Variants in ANK2 observed in about 807,000 individuals in gnomAD.
ANK2 encodes ankyrin 2.
A neutral mutation model predicts 360.5 loss-of-function variants in ANK2; 83 were observed. That is an observed-to-expected ratio of 0.23 (90% CI 0.19 to 0.28). The LOEUF is 0.28. Among genes scored for constraint, ANK2 ranks in the 10% least tolerant of loss-of-function variants. The probability of loss-of-function intolerance (pLI) is 1.00; values close to 1 mark genes in which losing one functional copy is unlikely to be tolerated. For missense variants in ANK2, 4,201 were observed against 4,795.7 expected, an observed-to-expected ratio of 0.88 and a Z score of 3.66; for synonymous variants, 1,740 against 1,759.5, an observed-to-expected ratio of 0.99 and a Z score of 0.28.
intron 1 of ANK2, among the ~76,000 whole-genome samples, chr4:113,137,547 A>G (rs1035623673): frequency 2.6e-5 from 4 of 152,192 alleles, no homozygotes; most frequent in Non-Finnish European, 5.9e-5. Flanking sequence ...TTTCTTAAAA[A>G]TATTACTTAA....
At chr4:113,195,174 C>A (rs1295000938) in intron 2 of ANK2, among the ~76,000 whole-genome samples, 4 of 152,036 alleles carry the variant, frequency 2.6e-5, no homozygotes, top group Admixed American at 6.6e-5. Flanking sequence ...TCAAGAATAT[C>A]AAGATTGTCT....
At chr4:113,074,953 A>C (rs1450400614) in intron 1 of ANK2, among the ~76,000 whole-genome samples, 1 of 152,216 alleles carries the variant, frequency 6.6e-6, no homozygotes, top group Non-Finnish European at 1.5e-5. Flanking sequence ...ATGGCAAAAT[A>C]GACATAGATT....
At chr4:112,748,817 G>A in the ANK2 span, among the ~76,000 whole-genome samples, 2 of 152,036 alleles carry the variant, frequency 1.3e-5, no homozygotes, top group Admixed American at 1.3e-4. Context: ...AAGAATTGCA[G>A]ATATTCAACT....
At chr4:112,758,661 C>T in the ANK2 span, among the ~76,000 whole-genome samples, 8 of 152,154 alleles carry the variant, frequency 5.3e-5, no homozygotes, top group African/African-American at 1.9e-4. Flanking sequence ...GTGATCTGCC[C>T]ACCTCAGCCT....
chr4:113,367,010 T>C (rs61541145), intron 41 of ANK2, among the ~76,000 whole-genome samples: 2,775 of 152,276 alleles, frequency 0.018, 83 homozygotes, highest in African/African-American at 0.062. Context: ...TCCCTGGATA[T>C]AATGAAATTC....
intron 1 of ANK2, among the ~76,000 whole-genome samples, chr4:113,107,285 C>T (rs555923961): frequency 5.3e-5 from 8 of 152,054 alleles, no homozygotes; most frequent in Non-Finnish European, 1.0e-4. Context: ...AGCGTGATAA[C>T]GGCTCACTGC....
Position 112,950,158 on chromosome 4 carries a change from C to T in ANK2, c.21+45644C>T, listed in dbSNP as rs547819004. The stretch of plus-strand genomic sequence containing the variant: ...ACTCCATGCTTCACTTCTTACCTGC[C>T]TCTCTCTATTTGAATATAAGCTTTT... On this transcript the variant is annotated intron_variant, in intron 2 of 30. Coordinates refer to the ANK2 transcript ENST00000503271. Among the ~76,000 whole-genome samples the T allele has an allele frequency of 1.5e-3, 223 of 152,136 alleles. 1 individual carries two copies. Among genetic ancestry groups the T allele is most frequent in the Non-Finnish European group, 2.8e-3 (191 of 68,000 alleles).
At chr4:113,164,265 A>G (rs1431813297) in intron 1 of ANK2, among the ~76,000 whole-genome samples, 6 of 152,212 alleles carry the variant, frequency 3.9e-5, no homozygotes, top group Admixed American at 3.9e-4. Context: ...ATATGTATAT[A>G]TATTAGACTG....
rs1474105619 is a variant in ANK2 at position 113,249,795 on chromosome 4, G to A, written c.923G>A (p.Arg308Gln). ...DGLTPLHCAARSGHDQVVELL... is the reference protein window; with the variant it reads ...DGLTPLHCAAQSGHDQVVELL... ...TTGACACCACTTCACTGTGCTGCAC[G>A]AAGTGGGCATGACCAAGTGGTGGAA... Residue 308 changes from arginine (R) to glutamine (Q), a missense_variant, in exon 10 of 46, where the codon CGA (arginine) becomes CAA (glutamine). This residue lies in a region of ANK2 where 122 missense variants were observed against 239.3 expected (regional missense o/e 0.51). Coordinates refer to ENST00000357077, the MANE Select transcript of ANK2 (RefSeq NM_001148.6). 6.2e-7 allele frequency: 1 copy of A among 1,614,168 alleles called. No homozygotes were observed. Among genetic ancestry groups the A allele is most frequent in the Non-Finnish European group, 8.5e-7 (1 of 1,180,034 alleles).
the ANK2 span, among the ~76,000 whole-genome samples, chr4:112,811,444 C>T: frequency 6.6e-6 from 1 of 152,104 alleles, no homozygotes; most frequent in Non-Finnish European, 1.5e-5. Context: ...CCTATCATAT[C>T]AAGAGTTGTA....
chr4:113,274,322 C>A (rs998419804), intron 14 of ANK2, 130 bp from the exon 15 acceptor site: 11 of 993,788 alleles, frequency 1.1e-5, no homozygotes, highest in African/African-American at 1.6e-5. Flanking sequence ...ATGGTTAAAG[C>A]AGTAATGATT....
chr4:112,970,127 G>C (rs374460367), intron 2 of ANK2, among the ~76,000 whole-genome samples: 2 of 151,780 alleles, frequency 1.3e-5, no homozygotes, highest in African/African-American at 4.8e-5. Context: ...GGGATTACAG[G>C]CGCCTGCCAC....
chr4:113,079,640 CT>C (rs1416915776), intron 1 of ANK2, among the ~76,000 whole-genome samples: 2 of 152,014 alleles, frequency 1.3e-5, no homozygotes, highest in Non-Finnish European at 2.9e-5. Context: ...TTGATTTCTT[CT>C]TTTTTAAACT....
At chr4:112,912,955 G>C (rs945541626) in intron 2 of ANK2, among the ~76,000 whole-genome samples, 3 of 152,082 alleles carry the variant, frequency 2.0e-5, no homozygotes, top group Admixed American at 6.6e-5. Context: ...GTGTGGGGTA[G>C]GGGAAGCACT....
chr4:112,997,158 C>T (rs148266907), intron 2 of ANK2, among the ~76,000 whole-genome samples: 13 of 152,148 alleles, frequency 8.5e-5, no homozygotes, highest in South Asian at 6.2e-4. Flanking sequence ...ATTTATGGTA[C>T]ACAACCTGAT....
At chr4:112,863,649 A>G (rs1483381290) in intron 1 of ANK2, among the ~76,000 whole-genome samples, 2 of 149,096 alleles carry the variant, frequency 1.3e-5, no homozygotes, top group Non-Finnish European at 3.0e-5. Flanking sequence ...CAGCCTCCCT[A>G]GTAGCCGGGA....
chr4:113,231,664 C>T (rs1008020919), intron 4 of ANK2, among the ~76,000 whole-genome samples: 3 of 151,004 alleles, frequency 2.0e-5, no homozygotes, highest in African/African-American at 7.3e-5. Flanking sequence ...AGTGCAATGA[C>T]CTGATCTCAG....
chr4:113,288,771 G>T (rs894885827), intron 20 of ANK2, among the ~76,000 whole-genome samples: 3 of 152,134 alleles, frequency 2.0e-5, no homozygotes, highest in Non-Finnish European at 4.4e-5. Flanking sequence ...AGAACATCTT[G>T]ATGTTCTGGC....
At chr4:112,857,878 G>C (rs554274953) in intron 1 of ANK2, among the ~76,000 whole-genome samples, 75 of 152,298 alleles carry the variant, frequency 4.9e-4, no homozygotes, top group African/African-American at 1.8e-3. Flanking sequence ...CTCAGATTTT[G>C]TATTTCTAAT....
Sources: allele counts gnomAD v4.1 joint callset (sites outside exome capture counted in the v4.1 genomes callset), GRCh38; gene constraint gnomAD v4.1.1; regional missense constraint gnomAD v4.1.1; transcripts MANE v1.5; gene names NCBI Gene and HGNC (gene_info 2026-07-23, HGNC 2026-07-21).